PRKN: variants seen among roughly 807,000 people sequenced by gnomAD.
PRKN encodes the protein E3 ubiquitin-protein ligase parkin.
A neutral mutation model predicts 59.5 loss-of-function variants in PRKN; 56 were observed. That is an observed-to-expected ratio of 0.94 (90% CI 0.76 to 1.18). The LOEUF (loss-of-function observed/expected upper bound fraction) is 1.18, where lower values mean the gene tolerates loss of function less well. Ranked by LOEUF, PRKN falls within the 50% of genes most tolerant of loss-of-function variation. The probability of loss-of-function intolerance (pLI) is 0.00; values close to 1 mark genes in which losing one functional copy is unlikely to be tolerated. For synonymous variants in PRKN, 250 were observed against 222.1 expected (o/e 1.13, Z -1.12); for missense variants, 657 against 596.4 (o/e 1.10, Z -1.06).
chr6:161,798,917 C>G (rs1181968034), intron 6 of PRKN, among the ~76,000 whole-genome samples: 3 of 152,270 alleles, frequency 2.0e-5, no homozygotes, highest in Admixed American at 1.3e-4. Flanking sequence ...GGGGCTCCCC[C>G]ACACACTGCC....
intron 7 of PRKN, among the ~76,000 whole-genome samples, chr6:161,676,921 TA>T (rs1167714196): frequency 6.6e-6 from 1 of 152,204 alleles, no homozygotes; most frequent in East Asian, 1.9e-4. Flanking sequence ...GTAGTTTAAG[TA>T]GCTTTGTCTG....
chr6:162,116,595 G>A (rs754456373), intron 4 of PRKN, among the ~76,000 whole-genome samples: 1 of 152,150 alleles, frequency 6.6e-6, no homozygotes, highest in African/African-American at 2.4e-5. Context: ...ATACGTTTAC[G>A]CTGCACATTT....
intron 2 of PRKN, among the ~76,000 whole-genome samples, chr6:162,347,106 T>A (rs2128129959): frequency 6.6e-6 from 1 of 151,126 alleles, no homozygotes; most frequent in African/African-American, 2.4e-5. Context: ...ATTTATTATA[T>A]TTATTTTATT....
At chr6:162,017,629 T>C (rs969372957) in intron 5 of PRKN, among the ~76,000 whole-genome samples, 2 of 152,218 alleles carry the variant, frequency 1.3e-5, no homozygotes, top group African/African-American at 4.8e-5. Context: ...ACGACAAATA[T>C]AGTTTTTCTC....
chr6:161,776,769 G>A (rs1159347909), intron 7 of PRKN, among the ~76,000 whole-genome samples: 2 of 152,162 alleles, frequency 1.3e-5, no homozygotes, highest in Non-Finnish European at 2.9e-5. Context: ...GCAGGAGTAC[G>A]GAGCTCTGGA....
chr6:162,063,294 T>C (rs561050512), intron 4 of PRKN, among the ~76,000 whole-genome samples: 138 of 152,286 alleles, frequency 9.1e-4, no homozygotes, highest in African/African-American at 3.2e-3. Flanking sequence ...ACCAGTTAAA[T>C]ATAAGCAAAA....
intron 2 of PRKN, among the ~76,000 whole-genome samples, chr6:162,400,582 A>C (rs1201248077): frequency 6.6e-6 from 1 of 152,158 alleles, no homozygotes; most frequent in African/African-American, 2.4e-5. Flanking sequence ...AAACCGAACT[A>C]TCATTAGCTT....
intron 8 of PRKN, among the ~76,000 whole-genome samples, chr6:161,564,220 C>T (rs1253735921): frequency 6.6e-6 from 1 of 152,294 alleles, no homozygotes; most frequent in East Asian, 1.9e-4. Context: ...GCCTCATTGC[C>T]ACCATCTGCC....
intron 1 of PRKN, among the ~76,000 whole-genome samples, chr6:162,677,466 G>GAA (rs10712151): frequency 2.2e-3 from 203 of 91,196 alleles, no homozygotes; most frequent in Non-Finnish European, 3.4e-3. Context: ...GCACTGTGGA[G>GAA]AAAAAAAAAA....
At chr6:162,552,892 C>T (rs1279753366) in intron 1 of PRKN, among the ~76,000 whole-genome samples, 1 of 152,088 alleles carries the variant, frequency 6.6e-6, no homozygotes, top group Admixed American at 6.6e-5. Context: ...AGGAGAAAAA[C>T]CAGGTCTCAG....
At chr6:162,253,931 T>C (rs535576007) in intron 3 of PRKN, among the ~76,000 whole-genome samples, 3 of 152,152 alleles carry the variant, frequency 2.0e-5, no homozygotes, top group African/African-American at 7.2e-5. Context: ...TTATGTTCTT[T>C]GTAACAATAA....
chr6:162,211,564 C>T lies in PRKN; in HGVS notation c.413-10312G>A, dbSNP rs563398432. On this transcript the variant is annotated intron_variant, in intron 3 of 11. Transcript: ENST00000366898. ...TTCTAAGTGTTAGAAAAACCTGTTACGTAAATGAACCCTCAGAGGAATGGC... is the reference window on the plus strand; with the variant it reads ...TTCTAAGTGTTAGAAAAACCTGTTATGTAAATGAACCCTCAGAGGAATGGC... 1.3e-4 allele frequency among the ~76,000 whole-genome samples: 20 copies of T among 152,118 alleles called. No homozygotes were observed. The South Asian group carries it at 2.9e-3, about 22-fold the overall frequency.
intron 9 of PRKN, among the ~76,000 whole-genome samples, chr6:161,421,981 T>C (rs189174953): frequency 2.2e-4 from 34 of 152,256 alleles, no homozygotes; most frequent in Non-Finnish European, 4.0e-4. Context: ...CTGAAGTTCT[T>C]TGGATTTCTA....
chr6:161,613,044 G>A (rs1582890758), intron 7 of PRKN, among the ~76,000 whole-genome samples: 1 of 152,124 alleles, frequency 6.6e-6, no homozygotes, highest in Admixed American at 6.5e-5. Context: ...GGAAATAGCT[G>A]CCATAAAAAG....
At chr6:161,827,062 G>A (rs946987888) in intron 6 of PRKN, among the ~76,000 whole-genome samples, 1 of 152,136 alleles carries the variant, frequency 6.6e-6, no homozygotes, top group African/African-American at 2.4e-5. Context: ...TATATAAAAT[G>A]AGCCAGGAAA....
intron 9 of PRKN, among the ~76,000 whole-genome samples, chr6:161,464,100 C>T (rs778836893): frequency 1.6e-4 from 24 of 152,130 alleles, no homozygotes; most frequent in East Asian, 1.9e-4. Flanking sequence ...CCACAACATC[C>T]GCCTCCTGGG....
intron 6 of PRKN, among the ~76,000 whole-genome samples, chr6:161,844,123 T>G (rs925618244): frequency 6.6e-6 from 1 of 151,990 alleles, no homozygotes; most frequent in Admixed American, 6.6e-5. Context: ...AAAAGTGGAG[T>G]GCTCAGTCTG....
chr6:162,025,068 T>G (rs1292552971), intron 5 of PRKN, among the ~76,000 whole-genome samples: 1 of 148,258 alleles, frequency 6.7e-6, no homozygotes, highest in Non-Finnish European at 1.5e-5. Context: ...CAGCCTGGAG[T>G]GCAGTGGCGC....
At chr6:161,731,502 TTAAAAG>T (rs1172012048) in intron 7 of PRKN, among the ~76,000 whole-genome samples, 1 of 152,264 alleles carries the variant, frequency 6.6e-6, no homozygotes, top group Non-Finnish European at 1.5e-5. Context: ...CATAAAAGAT[TTAAAAG>T]TAAAAGTATG....
Sources: gnomAD v4.1 joint callset for allele counts (sites outside exome capture counted in the v4.1 genomes callset) on GRCh38, gnomAD v4.1.1 for gene constraint, MANE v1.5 for transcripts, NCBI Gene and HGNC (gene_info 2026-07-23, HGNC 2026-07-21) for gene names.